The following CLDN10 variants were observed in gnomAD, a reference collection of about 807,000 sequenced individuals.
The protein encoded by CLDN10 is claudin 10.
In CLDN10, 15 loss-of-function variants were observed where a neutral mutation model predicts 22.9. The observed-to-expected ratio is 0.65, with a 90% CI of 0.44 to 1.01. CLDN10 has a LOEUF of 1.01. CLDN10 is among the 50% of genes least tolerant of loss of function. The pLI is 0.00. For synonymous variants in CLDN10, 114 were observed against 111.4 expected (o/e 1.02, Z -0.15); for missense variants, 247 against 287.8 (o/e 0.86, Z 1.03).
intron 1 of CLDN10, among the ~76,000 whole-genome samples, chr13:95,477,694 T>A (rs1244136323): frequency 1.3e-5 from 2 of 152,188 alleles, no homozygotes; most frequent in African/African-American, 4.8e-5. Context: ...CTACTGTGGA[T>A]GGTCTGTGGA....
At chr13:95,529,384 AT>A (rs35057358) in intron 1 of CLDN10, among the ~76,000 whole-genome samples, 75,713 of 151,682 alleles carry the variant, frequency 0.5, 19,085 homozygotes, top group African/African-American at 0.54. Context: ...GAATAAACAC[AT>A]TTTTTTTCAA....
intron 1 of CLDN10, among the ~76,000 whole-genome samples, chr13:95,539,523 T>C (rs556271215): frequency 1.8e-4 from 28 of 152,364 alleles, no homozygotes; most frequent in African/African-American, 6.5e-4. Context: ...AATCTGACTT[T>C]ATAATAAAAA....
intron 1 of CLDN10, among the ~76,000 whole-genome samples, chr13:95,457,140 G>C (rs79717817): frequency 0.09 from 13,679 of 152,160 alleles, 872 homozygotes; most frequent in South Asian, 0.22. Flanking sequence ...CTCTGTTGTT[G>C]TGTATGCATT....
intron 3 of CLDN10, among the ~76,000 whole-genome samples, chr13:95,563,209 G>GGAGA (rs71764554): frequency 7.1e-4 from 105 of 147,650 alleles, no homozygotes; most frequent in Admixed American, 1.8e-3. Flanking sequence ...AGTTAAGAGA[G>GGAGA]GAGAGAGAGA....
chr13:95,477,502 G>T (rs780568835), intron 1 of CLDN10, among the ~76,000 whole-genome samples: 1 of 152,160 alleles, frequency 6.6e-6, no homozygotes, highest in Non-Finnish European at 1.5e-5. Context: ...GACAGTGAGG[G>T]AGACATATTA....
intron 3 of CLDN10, among the ~76,000 whole-genome samples, chr13:95,572,273 C>T (rs2043873130): frequency 1.3e-5 from 2 of 152,078 alleles, no homozygotes; most frequent in African/African-American, 4.8e-5. Context: ...AAATATGTTG[C>T]ATTGATTGGG....
At chr13:95,571,068 C>T (rs528635121) in intron 3 of CLDN10, among the ~76,000 whole-genome samples, 6 of 136,192 alleles carry the variant, frequency 4.4e-5, no homozygotes, top group African/African-American at 1.5e-4. Context: ...TATCTGCTTC[C>T]CTAATTAGTT....
chr13:95,554,609 G>A (rs1240967903), intron 1 of CLDN10, among the ~76,000 whole-genome samples: 1 of 152,104 alleles, frequency 6.6e-6, no homozygotes, highest in Non-Finnish European at 1.5e-5. Context: ...CTTGCAAAAT[G>A]GCCTTCCTGT....
At chr13:95,466,062 AT>A (rs2042578773) in intron 1 of CLDN10, among the ~76,000 whole-genome samples, 2 of 151,740 alleles carry the variant, frequency 1.3e-5, no homozygotes, top group African/African-American at 2.4e-5. Flanking sequence ...TTTTAAAAAT[AT>A]TTTTATGTTA....
In CLDN10 at chr13:95,574,008, A is replaced by G. The variant is rs190358952; in HGVS notation, c.465-3223A>G. Reference sequence around the variant, plus strand: ...TCCTTGTGATAGTTTGCTGAGAATAATGTTTTCCAGCTTCATCCATATCCC... The same window carrying G: ...TCCTTGTGATAGTTTGCTGAGAATAGTGTTTTCCAGCTTCATCCATATCCC... On this transcript the variant is annotated intron_variant, in intron 3 of 4. Coordinates refer to ENST00000299339, the MANE Select transcript of CLDN10 (RefSeq NM_006984.5). 2.5e-3 allele frequency among the ~76,000 whole-genome samples: 377 copies of G among 152,144 alleles called. 2 individuals carry two copies. Among genetic ancestry groups the G allele is most frequent in the African/African-American group, 8.7e-3 (359 of 41,496 alleles).
intron 1 of CLDN10, among the ~76,000 whole-genome samples, chr13:95,500,598 T>A (rs1284177261): frequency 2.0e-5 from 3 of 152,106 alleles, no homozygotes; most frequent in Non-Finnish European, 4.4e-5. Context: ...AGGAGGTCTC[T>A]GGCAAGTGGA....
At chr13:95,551,837 GGAAT>G (rs1274888888), upstream of CLDN10, among the ~76,000 whole-genome samples, 1 of 151,902 alleles carries the variant, frequency 6.6e-6, no homozygotes, top group Non-Finnish European at 1.5e-5. Flanking sequence ...AAGGGATGAA[GGAAT>G]GAATGAGTTT....
chr13:95,447,464 G>A (rs943093916), intron 1 of CLDN10, among the ~76,000 whole-genome samples: 6 of 152,116 alleles, frequency 3.9e-5, no homozygotes, highest in South Asian at 2.1e-4. Context: ...TTTTCCTCGC[G>A]GCTGATGTCT....
At chr13:95,470,549 T>A (rs2042619720) in intron 1 of CLDN10, among the ~76,000 whole-genome samples, 2 of 152,016 alleles carry the variant, frequency 1.3e-5, no homozygotes, top group South Asian at 4.2e-4. Context: ...CAAAGTTCAG[T>A]CTCTATTTAC....
intron 1 of CLDN10, among the ~76,000 whole-genome samples, chr13:95,460,623 C>T (rs564768523): frequency 3.0e-4 from 45 of 152,198 alleles, no homozygotes; most frequent in Middle Eastern, 3.4e-3. Context: ...TGATCTTTGC[C>T]GTGACATGTG....
Position 95,574,901 on chromosome 13 carries a change from G to A in CLDN10, c.465-2330G>A, listed in dbSNP as rs1180579331. On this transcript the variant is annotated intron_variant, in intron 3 of 4. Coordinates refer to ENST00000299339, the MANE Select transcript of CLDN10 (RefSeq NM_006984.5). ...TTAACATAGACCCAATTCCTCATCC[G>A]CCTGGGTAATTTATCCTGTGATTTG... is the stretch of plus-strand genomic sequence containing the variant. 3.3e-5 allele frequency among the ~76,000 whole-genome samples: 5 copies of A among 152,048 alleles called. No homozygotes were observed. In the East Asian group the frequency reaches 5.8e-4, roughly 18 times the overall value.
chr13:95,517,124 T>C (rs9561892), intron 1 of CLDN10, among the ~76,000 whole-genome samples: 131,451 of 149,922 alleles, frequency 0.88, 57,778 homozygotes, highest in East Asian at 0.96. Context: ...TCCTTTCTCT[T>C]TCTTTCTCTC....
intron 3 of CLDN10, among the ~76,000 whole-genome samples, chr13:95,572,528 G>GA (rs1347752595): frequency 6.6e-6 from 1 of 152,032 alleles, no homozygotes; most frequent in Non-Finnish European, 1.5e-5. Context: ...TAATATTTGT[G>GA]AAAAAATCTT....
At chr13:95,494,286 G>A (rs1396612297) in intron 1 of CLDN10, among the ~76,000 whole-genome samples, 1 of 152,142 alleles carries the variant, frequency 6.6e-6, no homozygotes, top group African/African-American at 2.4e-5. Context: ...TAGGTGGCAC[G>A]AATAATCATG....
Sources: allele counts gnomAD v4.1 joint callset (sites outside exome capture counted in the v4.1 genomes callset), GRCh38; gene constraint gnomAD v4.1.1; transcripts MANE v1.5; gene names NCBI Gene and HGNC (gene_info 2026-07-23, HGNC 2026-07-21).